CRACD: variants seen among roughly 807,000 people sequenced by gnomAD.
CRACD encodes capping protein-inhibiting regulator of actin dynamics.
CRACD carries 56 observed loss-of-function variants against 106.8 expected under a neutral mutation model. That is an observed-to-expected ratio of 0.52 (90% confidence interval 0.42 to 0.66). The LOEUF (loss-of-function observed/expected upper bound fraction) is 0.66, where lower values mean the gene tolerates loss of function less well. Among genes scored for constraint, CRACD ranks in the 30% least tolerant of loss-of-function variants. CRACD has a pLI of 0.00. For synonymous variants in CRACD, 754 were observed against 670.8 expected, an observed-to-expected ratio of 1.12 and a Z score of -1.92; for missense variants, 1,730 against 1,623.2, an observed-to-expected ratio of 1.07 and a Z score of -1.13.
chr4:56,215,007 A>G (rs1738608644), intron 2 of CRACD, among the ~76,000 whole-genome samples: 1 of 151,374 alleles, frequency 6.6e-6, no homozygotes, highest in African/African-American at 2.4e-5. Flanking sequence ...CTCAAAGAGA[A>G]AAAACAAACA....
At chr4:56,160,736 TAAAC>T (rs1048772558) in intron 1 of CRACD, among the ~76,000 whole-genome samples, 7 of 152,222 alleles carry the variant, frequency 4.6e-5, no homozygotes, top group African/African-American at 1.7e-4. Flanking sequence ...TCCCAGGTAT[TAAAC>T]AAATGAAATG....
intron 1 of CRACD, among the ~76,000 whole-genome samples, chr4:56,136,312 GT>G (rs1208383862): frequency 2.0e-5 from 3 of 152,136 alleles, no homozygotes; most frequent in African/African-American, 7.2e-5. Context: ...GTAGGTGTAT[GT>G]TTAAGGTTTT....
intron 1 of CRACD, among the ~76,000 whole-genome samples, chr4:56,097,020 TAGA>T (rs149872617): frequency 0.012 from 1,751 of 152,152 alleles, 33 homozygotes; most frequent in African/African-American, 0.04. Flanking sequence ...AAGAATTGGG[TAGA>T]ATTTCTGGAG....
At chr4:56,198,611 G>C (rs1339554820) in intron 2 of CRACD, among the ~76,000 whole-genome samples, 1 of 152,160 alleles carries the variant, frequency 6.6e-6, no homozygotes, top group Non-Finnish European at 1.5e-5. Context: ...TATCTACTGT[G>C]TGCCAGGTAC....
At chr4:56,191,580 C>T (rs938964898) in intron 2 of CRACD, among the ~76,000 whole-genome samples, 11 of 152,186 alleles carry the variant, frequency 7.2e-5, no homozygotes, top group African/African-American at 2.7e-4. Flanking sequence ...AACTTCAGCA[C>T]ATCTGATCCC....
chr4:56,055,792 C>T (rs1732037452), intron 1 of CRACD, among the ~76,000 whole-genome samples: 1 of 152,134 alleles, frequency 6.6e-6, no homozygotes, highest in African/African-American at 2.4e-5. Flanking sequence ...GACCAGTTAG[C>T]TTTGCTTTGT....
At chr4:56,323,310 G>A (rs1458019878) in intron 8 of CRACD, 67 bp from the exon 9 acceptor site, 15 of 1,373,822 alleles carry the variant, frequency 1.1e-5, no homozygotes, top group Non-Finnish European at 1.0e-5. Flanking sequence ...AGTTTTAGGG[G>A]GTGAGGAACT....
chr4:56,164,746 T>C (rs548199794), intron 1 of CRACD, among the ~76,000 whole-genome samples: 1 of 152,282 alleles, frequency 6.6e-6, no homozygotes, highest in Admixed American at 6.5e-5. Context: ...GGTGACATTA[T>C]TGTGCATGTA....
intron 2 of CRACD, among the ~76,000 whole-genome samples, chr4:56,267,735 A>G (rs1457802187): frequency 6.6e-6 from 1 of 152,232 alleles, no homozygotes; most frequent in Non-Finnish European, 1.5e-5. Context: ...CCATGTCATT[A>G]TAAGTGCACT....
chr4:56,312,226 T>A (rs926525433), intron 6 of CRACD, among the ~76,000 whole-genome samples: 1 of 152,148 alleles, frequency 6.6e-6, no homozygotes, highest in African/African-American at 2.4e-5. Flanking sequence ...AGCCTAGCGA[T>A]CTCAGCTCAC....
chr4:56,330,408 G>A lies in CRACD; in HGVS notation c.*2604G>A, dbSNP rs1204026680. Among the ~76,000 whole-genome samples, 6 of 152,036 alleles carry A rather than the reference G, an allele frequency of 3.9e-5. No homozygotes were observed. The highest frequency in any genetic ancestry group is 3.9e-4 in the East Asian group (2 of 5,170). On this transcript the variant is annotated 3_prime_UTR_variant, in exon 11 of 11. Transcript: ENST00000682029. ...AGTATGTATTGTCTCTTCTTGTGAC[G>A]TTTAGTTTAATTGCTTATTTTAAAG...
intron 7 of CRACD, 50 bp downstream of exon 7, chr4:56,313,429 G>A: frequency 6.5e-7 from 1 of 1,533,524 alleles, no homozygotes; most frequent in Non-Finnish European, 8.9e-7. Flanking sequence ...TGCCTACTGG[G>A]CACTAATTCT....
intron 2 of CRACD, among the ~76,000 whole-genome samples, chr4:56,263,135 A>G (rs370180956): frequency 3.3e-5 from 5 of 152,334 alleles, no homozygotes; most frequent in African/African-American, 9.6e-5. Flanking sequence ...CAAGCAGAGA[A>G]CAGAAGAAGG....
intron 2 of CRACD, among the ~76,000 whole-genome samples, chr4:56,190,742 A>T (rs895332567): frequency 6.6e-6 from 1 of 152,042 alleles, no homozygotes; most frequent in Non-Finnish European, 1.5e-5. Flanking sequence ...CTGCGGATCT[A>T]CTATTCTGGG....
Position 56,316,079 on chromosome 4 carries a change from C to G in CRACD, c.2577C>G (p.Asn859Lys). The G allele has an allele frequency of 6.2e-7, 1 of 1,614,196 alleles. No homozygotes were observed. ...LRRTNYSLRF[N>K]CDQQAEQKKK... is the part of the protein sequence containing the mutation. ...GGACCAACTATTCCTTGCGCTTCAA[C>G]TGCGACCAACAGGCAGAACAGAAGA... The change falls in exon 8 of 11, where the codon AAC becomes AAG. Residue 859 changes from asparagine to lysine, a missense_variant. Transcript: ENST00000682029.
intron 1 of CRACD, among the ~76,000 whole-genome samples, chr4:56,171,299 C>G (rs28693049): frequency 6.6e-6 from 1 of 151,518 alleles, no homozygotes; most frequent in African/African-American, 2.4e-5. Context: ...GTCATTATAG[C>G]TGACGAGGAA....
intron 1 of CRACD, among the ~76,000 whole-genome samples, chr4:56,108,777 C>T (rs948308231): frequency 3.9e-5 from 6 of 152,142 alleles, no homozygotes; most frequent in Non-Finnish European, 1.5e-5. Context: ...CATATGTCAG[C>T]GTTTTCTTCT....
intron 1 of CRACD, among the ~76,000 whole-genome samples, chr4:56,145,285 G>T (rs1735343785): frequency 6.6e-6 from 1 of 152,172 alleles, no homozygotes; most frequent in South Asian, 2.1e-4. Flanking sequence ...TTCACGGAAT[G>T]CTATTCCAAA....
intron 1 of CRACD, among the ~76,000 whole-genome samples, chr4:56,176,883 G>A (rs1274738928): frequency 6.6e-6 from 1 of 152,162 alleles, no homozygotes; most frequent in East Asian, 1.9e-4. Flanking sequence ...TTGGCATATA[G>A]AAATACTACT....
Sources: gnomAD v4.1 joint callset for allele counts (sites outside exome capture counted in the v4.1 genomes callset) on GRCh38, gnomAD v4.1.1 for gene constraint, MANE v1.5 for transcripts, NCBI Gene and HGNC (gene_info 2026-07-23, HGNC 2026-07-21) for gene names.